Variants in KANTR observed in about 807,000 individuals in gnomAD.
KANTR encodes the protein KDM5C adjacent transcript.
chrX:53,102,984 G>GT lies in KANTR; in HGVS notation c.-805+3394dup, dbSNP rs150831481. 7.6e-3 allele frequency among the ~76,000 whole-genome samples: 558 copies of GT among 73,841 alleles called. 5 individuals carry two copies. Among genetic ancestry groups the GT allele is most frequent in the African/African-American group, 0.021 (410 of 19,889 alleles). 64.1% of individuals were successfully genotyped at this position (73,841 alleles called of 115,157 possible). Reference sequence around the variant, plus strand: ...CAATAGTCTGACCCTTGTTTTGTTTGTTTTTTTTTTTTTTTTTTGAGATGG... The same window carrying GT: ...CAATAGTCTGACCCTTGTTTTGTTTGTTTTTTTTTTTTTTTTTTTGAGATGG... On this transcript the variant is annotated intron_variant, in intron 2 of 2. Coordinates refer to ENST00000604062, the Ensembl canonical transcript of KANTR.
chrX:53,141,073 A>C (rs1459849416), intron 2 of KANTR, among the ~76,000 whole-genome samples: 2 of 112,836 alleles, frequency 1.8e-5, no homozygotes, highest in Non-Finnish European at 3.7e-5. Context: ...AGGCAGGAGA[A>C]TCACTCGAAC....
intron 2 of KANTR, among the ~76,000 whole-genome samples, chrX:53,139,220 C>CAAA (rs200871442): frequency 3.8e-5 from 3 of 79,826 alleles, no homozygotes; most frequent in African/African-American, 5.6e-5. Context: ...GACTCCGTCT[C>CAAA]AAAAAAAAAA....
At chrX:53,132,645 G>A (rs1933373001) in intron 2 of KANTR, among the ~76,000 whole-genome samples, 1 of 111,617 alleles carries the variant, frequency 9.0e-6, no homozygotes, top group African/African-American at 3.3e-5. Context: ...AGAGATGAAT[G>A]TGGCACTATC....
chrX:53,124,280 C>T, exon 3 of KANTR: 1 of 297,000 alleles, frequency 3.4e-6, no homozygotes, highest in Non-Finnish European at 5.9e-6. Flanking sequence ...ACAATGTCTC[C>T]TTTTTCATTA....
At chrX:53,134,361 T>A (rs1556817379) in intron 2 of KANTR, among the ~76,000 whole-genome samples, 1 of 106,846 alleles carries the variant, frequency 9.4e-6, no homozygotes. Flanking sequence ...AAACTCTGTC[T>A]CAAAAAAAAA....
exon 3 of KANTR, chrX:53,123,590 C>T (rs1377616524): frequency 9.0e-6 from 1 of 111,251 alleles, no homozygotes; most frequent in Non-Finnish European, 1.9e-5. Flanking sequence ...AGGGTTTCTA[C>T]CTGGAGCTAC....
chrX:53,129,928 G>A (rs901539731), downstream of KANTR, among the ~76,000 whole-genome samples: 1 of 109,045 alleles, frequency 9.2e-6, no homozygotes, highest in Admixed American at 9.9e-5. Context: ...GTGCAGTGGC[G>A]CGATCTCATC....
downstream of KANTR, chrX:53,143,906 A>G: frequency 2.6e-6 from 1 of 389,230 alleles, no homozygotes; most frequent in Non-Finnish European, 4.8e-6. Context: ...GGCGATCTCT[A>G]TTTCCATTGC....
At chrX:53,146,431 G>A (rs2146763672), downstream of KANTR, among the ~76,000 whole-genome samples, 1 of 111,602 alleles carries the variant, frequency 9.0e-6, no homozygotes, top group South Asian at 3.7e-4. Flanking sequence ...AGCGAGAAGA[G>A]AAGTTTAGAG....
intron 1 of KANTR, among the ~76,000 whole-genome samples, chrX:53,097,541 C>T (rs1602110670): frequency 9.7e-6 from 1 of 103,239 alleles, no homozygotes; most frequent in African/African-American, 3.5e-5. Flanking sequence ...TTAGCAGAGA[C>T]AGGGTTTCAC....
intron 2 of KANTR, among the ~76,000 whole-genome samples, chrX:53,118,569 T>C (rs1208982164): frequency 2.7e-5 from 3 of 110,334 alleles, no homozygotes; most frequent in Non-Finnish European, 5.7e-5. Flanking sequence ...GAGACCAGAC[T>C]GGGCAACATG....
chrX:53,129,035 G>A (rs1270972206), downstream of KANTR, among the ~76,000 whole-genome samples: 1 of 101,021 alleles, frequency 9.9e-6, no homozygotes, highest in Non-Finnish European at 2.0e-5. Context: ...TACCTCAGAT[G>A]TCGTTTTTGG....
downstream of KANTR, among the ~76,000 whole-genome samples, chrX:53,129,425 A>G (rs1602125444): frequency 9.0e-6 from 1 of 111,161 alleles, no homozygotes; most frequent in Non-Finnish European, 1.9e-5. Flanking sequence ...ACAGAACTTT[A>G]GAAAATCCTT....
intron 2 of KANTR, among the ~76,000 whole-genome samples, chrX:53,113,566 C>CTTTTTTTT (rs782348418): frequency 4.3e-5 from 3 of 69,673 alleles, no homozygotes; most frequent in Non-Finnish European, 5.6e-5. Flanking sequence ...CCTGATTGTT[C>CTTTTTTTT]TTTTTTTTTT....
At chrX:53,102,828 C>G (rs1400123875) in intron 2 of KANTR, among the ~76,000 whole-genome samples, 3 of 110,949 alleles carry the variant, frequency 2.7e-5, no homozygotes, top group Non-Finnish European at 5.7e-5. Flanking sequence ...CTCTTTAACA[C>G]TGGTCCAGTC....
At chrX:53,129,235 T>TGTGTGTG (rs1933330092), downstream of KANTR, among the ~76,000 whole-genome samples, 2 of 83,371 alleles carry the variant, frequency 2.4e-5, no homozygotes, top group Admixed American at 1.5e-4. Flanking sequence ...GCCTGGCTAT[T>TGTGTGTG]TGTGTGTGTG....
At chrX:53,113,646 C>T (rs1442716482) in intron 2 of KANTR, among the ~76,000 whole-genome samples, 4 of 98,198 alleles carry the variant, frequency 4.1e-5, no homozygotes, top group Admixed American at 2.3e-4. Flanking sequence ...GTGGCGCGAT[C>T]TCGGCTCACT....
chrX:53,141,947 G>C (rs1248993948), exon 3 of KANTR: 55 of 461,488 alleles, frequency 1.2e-4, no homozygotes, highest in Admixed American at 3.4e-4. Flanking sequence ...CTATGGCTTG[G>C]ACTTTCCAAC....
chrX:53,130,028 G>A (rs969437984), downstream of KANTR, among the ~76,000 whole-genome samples: 2 of 109,373 alleles, frequency 1.8e-5, no homozygotes. Flanking sequence ...CGTCACACAC[G>A]GATAATTTTT....
Sources: allele counts gnomAD v4.1 joint callset (sites outside exome capture counted in the v4.1 genomes callset), GRCh38; gene constraint gnomAD v4.1.1; transcripts MANE v1.5; gene names NCBI Gene and HGNC (gene_info 2026-07-23, HGNC 2026-07-21).